IGDCC4: variants seen among roughly 807,000 people sequenced by gnomAD.
IGDCC4 encodes the protein likely ortholog of mouse neighbor of Punc E11.
IGDCC4 carries 72 observed loss-of-function variants against 116.6 expected under a neutral mutation model. That is an observed-to-expected ratio of 0.62 (90% CI 0.51 to 0.75). The LOEUF (loss-of-function observed/expected upper bound fraction) is 0.75, where lower values mean the gene tolerates loss of function less well. Ranked by LOEUF, IGDCC4 falls within the 30% of genes least tolerant of loss-of-function variation. The pLI is 0.00. For missense variants in IGDCC4, 1,501 were observed against 1,662.4 expected, an observed-to-expected ratio of 0.90 and a Z score of 1.69; for synonymous variants, 709 against 719.9, an observed-to-expected ratio of 0.98 and a Z score of 0.24.
At chr15:65,385,733 A>T (rs996742493) in intron 18 of IGDCC4, 98 bp downstream of exon 18, 22 of 1,006,122 alleles carry the variant, frequency 2.2e-5, no homozygotes, top group Non-Finnish European at 3.3e-5. Context: ...CCGGCTCCGA[A>T]GAGGAGGTAG....
intron 2 of IGDCC4, 123 bp downstream of exon 2, chr15:65,410,897 G>T: frequency 1.4e-6 from 1 of 708,616 alleles, no homozygotes; most frequent in Non-Finnish European, 2.3e-6. Flanking sequence ...AGGATGGGAG[G>T]CAGGGAAAGG....
Position 65,411,339 on chromosome 15 carries a change from C to T in IGDCC4, c.102G>A (p.Val34=). Residue 34 remains valine, a synonymous_variant, in exon 2 of 20, where the codon GTG becomes GTA. Transcript: ENST00000352385. ...GELLLPQETT[V]ELSCGVGPLQ... ...GTGGCCCCACTCCACAGCTCAGCTC[C>T]ACAGTCGTCTCCTGGGGCAACAGCA... The T allele has an allele frequency of 6.3e-7, 1 of 1,590,550 alleles. No homozygotes were observed. The highest frequency in any genetic ancestry group is 8.6e-7 in the Non-Finnish European group (1 of 1,165,706).
At chr15:65,420,853 C>T (rs572391307) in intron 1 of IGDCC4, among the ~76,000 whole-genome samples, 3 of 152,148 alleles carry the variant, frequency 2.0e-5, no homozygotes, top group Non-Finnish European at 4.4e-5. Flanking sequence ...AGGAGCCCCT[C>T]CTTCCTGCGT....
In IGDCC4 at chr15:65,396,837, G is replaced by A. The variant is rs1477772557; in HGVS notation, c.994C>T (p.Leu332=). Residue 332 remains leucine, a synonymous_variant, in exon 6 of 20, where the codon CTG becomes TTG. Transcript: ENST00000352385. The part of the protein sequence containing the change: ...FATAAAELRV[L]AAPAITQAPE... ...TCCGCCCTTCGGCCCGCCTCACCCA[G>A]CACACGGAGCTCAGCGGCTGCAGTG... 2 of 1,569,646 alleles carry A rather than the reference G, an allele frequency of 1.3e-6. No homozygotes were observed. The highest frequency in any genetic ancestry group is 1.7e-6 in the Non-Finnish European group (2 of 1,157,268).
rs1279699127 is a variant in IGDCC4 at position 65,402,487 on chromosome 15, C to A, written c.564G>T (p.Arg188=). The change falls in exon 4 of 20, where the codon CGG becomes CGT. Residue 188 remains arginine (R), a splice_region_variant and synonymous_variant. Coordinates refer to ENST00000352385, the MANE Select transcript of IGDCC4 (RefSeq NM_020962.3). ...GGACGCCGTTGGGAAGCACGATGAGCCTTGGGAAGAGGGGAGCAGGCAACT... is the reference window on the plus strand; with the variant it reads ...GGACGCCGTTGGGAAGCACGATGAGACTTGGGAAGAGGGGAGCAGGCAACT... ...KDQVTLPEEP[R]LIVLPNGVLQ... is the part of the protein sequence containing the mutation. 6.4e-7 allele frequency: 1 copy of A among 1,566,516 alleles called. No homozygotes were observed. Among genetic ancestry groups the A allele is most frequent in the Non-Finnish European group, 8.7e-7 (1 of 1,154,822 alleles).
chr15:65,402,146 G>A (rs79697223), intron 4 of IGDCC4, among the ~76,000 whole-genome samples: 1,980 of 152,320 alleles, frequency 0.013, 45 homozygotes, highest in African/African-American at 0.043. Flanking sequence ...CTTGGAGTCT[G>A]GGGTCTTGTG....
intron 2 of IGDCC4, chr15:65,410,673 C>G: frequency 2.2e-6 from 1 of 460,706 alleles, no homozygotes; most frequent in South Asian, 2.8e-5. Context: ...CATGTTCCAC[C>G]TGCCGTGCAG....
At position 65,396,113 on chromosome 15, in the gene IGDCC4, T is replaced by C; in HGVS notation, c.1048A>G (p.Ser350Gly). ...APEALSRTRA[S>G]TARFVCRASG... ...GCGCGGCACACGAAGCGCGCTGTGC[T>C]CGCCCGCGTCCGCGACAGCGCCTCG... The change falls in exon 7 of 20, where the codon AGC (serine) becomes GGC (glycine). Residue 350 changes from serine to glycine, a missense_variant. Coordinates refer to ENST00000352385, the MANE Select transcript of IGDCC4 (RefSeq NM_020962.3). 2.1e-6 allele frequency: 3 copies of C among 1,452,132 alleles called. No individual in the cohort carries two copies. The highest frequency in any genetic ancestry group is 2.7e-6 in the Non-Finnish European group (3 of 1,109,526). 90.0% of individuals were successfully genotyped at this position (1,452,132 alleles called of 1,614,324 possible).
At chr15:65,419,242 T>A (rs912160389) in intron 1 of IGDCC4, among the ~76,000 whole-genome samples, 10 of 149,368 alleles carry the variant, frequency 6.7e-5, no homozygotes, top group East Asian at 2.0e-4. Context: ...TTTTTTTTTT[T>A]AATTTTTCGT....
At chr15:65,403,995 G>A (rs1374101289) in intron 3 of IGDCC4, among the ~76,000 whole-genome samples, 1 of 152,094 alleles carries the variant, frequency 6.6e-6, no homozygotes, top group East Asian at 1.9e-4. Flanking sequence ...TCTCAACAGA[G>A]CAAATGGTGC....
chr15:65,400,729 T>G, intron 5 of IGDCC4, 77 bp downstream of exon 5: 1 of 1,507,514 alleles, frequency 6.6e-7, no homozygotes, highest in Non-Finnish European at 8.9e-7. Context: ...CACCCATACA[T>G]CCCCCTGACT....
rs2091485736 is a variant in IGDCC4, at chr15:65,388,805, C to T, written c.2707+3G>A. Reference sequence around the variant, plus strand: ...GCAGATGCCCTGGGGCAGGAGCCCTCACCCTGCGTGGTGAGCAAGGTCCAC... The same window carrying T: ...GCAGATGCCCTGGGGCAGGAGCCCTTACCCTGCGTGGTGAGCAAGGTCCAC... On this transcript the variant is annotated splice_donor_region_variant and intron_variant, in intron 15 of 19. Coordinates refer to ENST00000352385, the MANE Select transcript of IGDCC4 (RefSeq NM_020962.3). 6.2e-7 allele frequency: 1 copy of T among 1,613,846 alleles called. No individual in the cohort carries two copies. Among genetic ancestry groups the T allele is most frequent in the Admixed American group, 1.7e-5 (1 of 60,012 alleles).
At chr15:65,395,601 T>C (rs1437651796) in intron 7 of IGDCC4, 149 bp downstream of exon 7, 1 of 825,866 alleles carries the variant, frequency 1.2e-6, no homozygotes, top group African/African-American at 1.8e-5. Context: ...CTACCATACT[T>C]ATGCGGGTCT....
At position 65,411,032 on chromosome 15, in the gene IGDCC4, C is replaced by T. The variant is rs146891762; in HGVS notation, c.409G>A (p.Val137Ile). The T allele has an allele frequency of 1.7e-3, 2,736 of 1,608,070 alleles. 4 individuals are homozygous for T. Among genetic ancestry groups the T allele is most frequent in the Middle Eastern group, 4.0e-3 (24 of 6,024 alleles). ...LGVLASQTAVVKLATLADFSL... is the reference protein window; with the variant it reads ...LGVLASQTAVIKLATLADFSL... ...TGCAAGCACTTACTGGCAAGCTTGA[C>T]GACAGCAGTCTGGCTGGCCAGCACT... The change falls in exon 2 of 20, where the codon GTC (valine) becomes ATC (isoleucine). Residue 137 changes from valine (V) to isoleucine (I), a missense_variant. By Grantham distance (29) the Val-to-Ile change is conservative. Around this residue, in one of 3 missense-constraint regions of IGDCC4, gnomAD observed 898 missense variants for 978.9 expected, o/e 0.92. Coordinates refer to ENST00000352385, the MANE Select transcript of IGDCC4 (RefSeq NM_020962.3).
chr15:65,396,526 T>G, intron 6 of IGDCC4: 1 of 559,464 alleles, frequency 1.8e-6, no homozygotes, highest in Non-Finnish European at 3.2e-6. Flanking sequence ...GCCCCCCAGT[T>G]TTCTTAGTAC....
At chr15:65,418,660 C>G (rs1323663364) in intron 1 of IGDCC4, among the ~76,000 whole-genome samples, 1 of 151,954 alleles carries the variant, frequency 6.6e-6, no homozygotes, top group Non-Finnish European at 1.5e-5. Context: ...CCCTGGCCCC[C>G]TAGCTCCTGT....
At chr15:65,407,714 C>T (rs2063052890) in intron 3 of IGDCC4, among the ~76,000 whole-genome samples, 2 of 151,648 alleles carry the variant, frequency 1.3e-5, no homozygotes, top group South Asian at 2.1e-4. Context: ...GCAAGCTCCA[C>T]CTCCCGGGTT....
chr15:65,406,518 G>A (rs183418328), intron 3 of IGDCC4, among the ~76,000 whole-genome samples: 3 of 152,252 alleles, frequency 2.0e-5, no homozygotes, highest in African/African-American at 7.2e-5. Flanking sequence ...AGTTCCAAAC[G>A]AAGCACATAC....
intron 1 of IGDCC4, among the ~76,000 whole-genome samples, chr15:65,420,061 CT>C (rs35139703): frequency 0.25 from 38,131 of 151,888 alleles, 5,769 homozygotes; most frequent in East Asian, 0.72. Flanking sequence ...ATTCTCGAGT[CT>C]CAGACTCCCG....
Sources: allele counts gnomAD v4.1 joint callset (sites outside exome capture counted in the v4.1 genomes callset), GRCh38; gene constraint gnomAD v4.1.1; regional missense constraint gnomAD v4.1.1; transcripts MANE v1.5; gene names NCBI Gene and HGNC (gene_info 2026-07-23, HGNC 2026-07-21).